Variants in AP1S2 observed in about 807,000 individuals in gnomAD.
AP1S2 encodes the protein adaptor related protein complex 1 subunit sigma 2, also known as AP-1 complex subunit sigma-2.
AP1S2 carries 1 observed loss-of-function variant against 14.3 expected under a neutral mutation model. The observed-to-expected ratio is 0.07, with a 90% CI of 0.02 to 0.33. AP1S2 has a LOEUF of 0.33. Among genes scored for constraint, AP1S2 ranks in the 10% least tolerant of loss-of-function variants. The pLI, the probability that AP1S2 is intolerant of heterozygous loss-of-function variation, is 0.99. For missense variants in AP1S2, 30 were observed against 117.7 expected, an observed-to-expected ratio of 0.25 and a Z score of 3.45; for synonymous variants, 30 against 40.5, an observed-to-expected ratio of 0.74 and a Z score of 0.99.
rs35560738 is a variant in AP1S2 at position 15,837,605 on chromosome X, C to CTT, written c.426+7772_426+7773dup. Among the ~76,000 whole-genome samples the CTT allele has an allele frequency of 1.7e-3, 142 of 82,585 alleles. 3 individuals carry two copies. The highest frequency in any genetic ancestry group is 4.0e-3 in the African/African-American group (85 of 21,509). The allele number at this position is 82,585 out of a possible 115,157, so 71.7% of individuals were successfully genotyped here. ...TAATTTTGGTGAATCATAGAGATGA[C>CTT]TTTTTTTTTTTTTTTTTTTTGAGAC... On this transcript the variant is annotated intron_variant, in intron 4 of 5. Coordinates refer to ENST00000672987, the MANE Select transcript of AP1S2 (RefSeq NM_001272071.2).
At chrX:15,833,291 CA>C in intron 4 of AP1S2, 1 of 754,592 alleles carries the variant, frequency 1.3e-6, no homozygotes. Context: ...AGCAATTCTA[CA>C]GGAACAATTC....
chrX:15,851,266 C>G (rs1934167912), intron 2 of AP1S2, among the ~76,000 whole-genome samples: 1 of 112,335 alleles, frequency 8.9e-6, no homozygotes, highest in African/African-American at 3.2e-5. Context: ...CACCAAAGAT[C>G]ATTCAATAAT....
chrX:15,854,739 G>A lies in AP1S2; in HGVS notation c.-52C>T. On this transcript the variant is annotated 5_prime_UTR_variant, in exon 1 of 6. Coordinates refer to ENST00000672987, the MANE Select transcript of AP1S2 (RefSeq NM_001272071.2). ...GAGCTTGGCCGGCGGCGGCGGCGGC[G>A]GCGAAGGGGAAGCCCCTGTCGCCGT... The A allele has an allele frequency of 2.5e-6, 2 of 801,784 alleles. No individual in the cohort carries two copies. The highest frequency in any genetic ancestry group is 5.8e-4 in the Middle Eastern group (1 of 1,714). 66.1% of individuals were successfully genotyped at this position (801,784 alleles called of 1,213,427 possible). A position where few individuals can be genotyped will look rare whatever the true frequency, so the allele number is the denominator to read the frequency against.
intron 4 of AP1S2, chrX:15,831,517 C>T (rs1390751613): frequency 1.8e-4 from 136 of 754,203 alleles, no homozygotes; most frequent in Middle Eastern, 3.9e-4. Context: ...ATTCTGCATA[C>T]TCGATGAGTA....
rs755082763 is a variant in AP1S2 at position 15,845,963 on chromosome X, T to C, written c.228A>G (p.Glu76=). ...GATGAATTATTTCCAGGGTAATTAG[T>C]TCATTGTCCTGATCCTCAATAGCAC... is the stretch of plus-strand genomic sequence containing the variant. The part of the protein sequence containing the change: ...FCCAIEDQDN[E]LITLEIIHRY... The change falls in exon 3 of 6, where the codon GAA becomes GAG. Residue 76 remains glutamate (E), a synonymous_variant. Coordinates refer to ENST00000672987, the MANE Select transcript of AP1S2 (RefSeq NM_001272071.2). 7.5e-6 allele frequency: 9 copies of C among 1,200,885 alleles called. No individual in the cohort carries two copies. Among genetic ancestry groups the C allele is most frequent in the Non-Finnish European group, 6.8e-6 (6 of 886,717 alleles).
intron 4 of AP1S2, chrX:15,833,086 T>C (rs752771977): frequency 1.3e-4 from 137 of 1,024,730 alleles, no homozygotes; most frequent in Non-Finnish European, 1.6e-4. Context: ...AATAACCTTT[T>C]GCCTAAATAA....
At chrX:15,841,475 G>C (rs12156972) in intron 4 of AP1S2, among the ~76,000 whole-genome samples, 1 of 110,473 alleles carries the variant, frequency 9.1e-6, no homozygotes, top group Non-Finnish European at 1.9e-5. Flanking sequence ...TACTACAAAT[G>C]TAAGTCTGAA....
At chrX:15,835,534 ACAGGGCTCCTGGTGT>A (rs1231836911) in intron 4 of AP1S2, among the ~76,000 whole-genome samples, 1 of 111,890 alleles carries the variant, frequency 8.9e-6, no homozygotes, top group African/African-American at 3.2e-5. Flanking sequence ...CTTTTAGATG[ACAGGGCTCCTGGTGT>A]CAGTCTTACA....
intron 5 of AP1S2, 90 bp downstream of exon 5, chrX:15,828,102 T>C: frequency 1.4e-6 from 1 of 690,374 alleles, no homozygotes. Flanking sequence ...TTTCAGGTAT[T>C]ACTAGCAACG....
intron 4 of AP1S2, among the ~76,000 whole-genome samples, chrX:15,838,631 C>T (rs189978834): frequency 7.0e-4 from 77 of 110,154 alleles, no homozygotes; most frequent in African/African-American, 2.5e-3. Context: ...AAATAGCAAG[C>T]GGAAAATCCT....
chrX:15,829,776 G>A (rs1400793394), intron 4 of AP1S2, among the ~76,000 whole-genome samples: 1 of 111,249 alleles, frequency 9.0e-6, no homozygotes, highest in African/African-American at 3.3e-5. Flanking sequence ...AAAGTCGAAT[G>A]GTGGTTGCCA....
intron 2 of AP1S2, among the ~76,000 whole-genome samples, chrX:15,850,357 G>C (rs4830998): frequency 9.2e-6 from 1 of 108,885 alleles, no homozygotes; most frequent in African/African-American, 3.4e-5. Flanking sequence ...TGCTCTCTCC[G>C]CTTTGTTGTT....
intron 4 of AP1S2, chrX:15,833,660 T>A: frequency 4.3e-6 from 1 of 231,685 alleles, no homozygotes; most frequent in Non-Finnish European, 6.3e-6. Context: ...ACTTAACATT[T>A]AAGGTAATTT....
At chrX:15,833,261 G>A in intron 4 of AP1S2, 1 of 754,387 alleles carries the variant, frequency 1.3e-6, no homozygotes, top group Non-Finnish European at 1.6e-6. Context: ...CTCCCCAGGA[G>A]ACTTACTATG....
chrX:15,848,969 T>G (rs1934083659), intron 2 of AP1S2, among the ~76,000 whole-genome samples: 1 of 112,193 alleles, frequency 8.9e-6, no homozygotes, highest in Non-Finnish European at 1.9e-5. Context: ...AATTTGGAGA[T>G]ATATATGTTT....
intron 1 of AP1S2, chrX:15,853,009 G>T: frequency 4.9e-6 from 1 of 203,994 alleles, no homozygotes; most frequent in Non-Finnish European, 7.3e-6. Flanking sequence ...TTATGTCTTG[G>T]AATGTTCTCC....
At position 15,834,462 on chromosome X, in the gene AP1S2, AT is replaced by A. The variant is rs1168226883; in HGVS notation, c.427-6263del. Among the ~76,000 whole-genome samples, 51 of 33,719 alleles carry A rather than the reference AT, an allele frequency of 1.5e-3. 4 individuals are homozygous for A. Among genetic ancestry groups the A allele is most frequent in the African/African-American group, 6.6e-3 (43 of 6,519 alleles). 29.3% of individuals were successfully genotyped at this position (33,719 alleles called of 115,157 possible). A position where few individuals can be genotyped will look rare whatever the true frequency, so the allele number is the denominator to read the frequency against. ...AAAATATATATATATATATATATATATATATATATATATATATAATTTTTTT... is the reference window on the plus strand; with the variant it reads ...AAAATATATATATATATATATATATAATATATATATATATATAATTTTTTT... On this transcript the variant is annotated intron_variant, in intron 4 of 5. Coordinates refer to ENST00000672987, the MANE Select transcript of AP1S2 (RefSeq NM_001272071.2).
intron 4 of AP1S2, chrX:15,840,576 A>G (rs1933798380): frequency 1.0e-6 from 1 of 976,042 alleles, no homozygotes; most frequent in Admixed American, 3.0e-5. Context: ...AAACCTCCCC[A>G]TTCTTCATTC....
chrX:15,851,980 TAG>T (rs1373041892), intron 2 of AP1S2, among the ~76,000 whole-genome samples: 1 of 112,193 alleles, frequency 8.9e-6, no homozygotes, highest in Non-Finnish European at 1.9e-5. Context: ...GAAAAAGAAT[TAG>T]ACTCTATCTG....
Sources: allele counts gnomAD v4.1 joint callset (sites outside exome capture counted in the v4.1 genomes callset), GRCh38; gene constraint gnomAD v4.1.1; transcripts MANE v1.5; gene names NCBI Gene and HGNC (gene_info 2026-07-23, HGNC 2026-07-21).